The following SCAF11 variants were observed in gnomAD, a reference collection of about 807,000 sequenced individuals.
SCAF11 encodes the protein protein SCAF11.
SCAF11 carries 47 observed loss-of-function variants against 140.5 expected under a neutral mutation model. That is an observed-to-expected ratio of 0.33 (90% CI 0.26 to 0.43). SCAF11 has a LOEUF of 0.43. Ranked by LOEUF, SCAF11 falls within the 20% of genes least tolerant of loss-of-function variation. The pLI is 1.00. For synonymous variants in SCAF11, 557 were observed against 579.4 expected, an observed-to-expected ratio of 0.96 and a Z score of 0.55; for missense variants, 1,645 against 1,705.1, an observed-to-expected ratio of 0.96 and a Z score of 0.62.
At position 45,990,397 on chromosome 12, in the gene SCAF11, T is replaced by G. The variant is rs1187494578; in HGVS notation, c.-66A>C. On this transcript the variant is annotated 5_prime_UTR_variant, in exon 1 of 15. Transcript: ENST00000369367. ...GCTCGGTCCGGCCGCGGCCCCACAG[T>G]AGGTTCCCAGGTCCCAGTCACTCCG... 1 of 1,232,254 alleles carries G rather than the reference T, an allele frequency of 8.1e-7. No individual in the cohort carries two copies. The highest frequency in any genetic ancestry group is 1.6e-5 in the African/African-American group (1 of 64,386). The allele number at this position is 1,232,254 out of a possible 1,614,324, so 76.3% of individuals were successfully genotyped here. A position where few individuals can be genotyped will look rare whatever the true frequency, so the allele number is the denominator to read the frequency against.
At chr12:45,951,400 A>T (rs1410325729) in intron 4 of SCAF11, among the ~76,000 whole-genome samples, 1 of 152,142 alleles carries the variant, frequency 6.6e-6, no homozygotes, top group Non-Finnish European at 1.5e-5. Context: ...ATTATCAGAG[A>T]TCTAATACAT....
chr12:45,948,621 T>G lies in SCAF11; in HGVS notation c.298-84A>C, dbSNP rs11574967. On this transcript the variant is annotated intron_variant, in intron 4 of 14. Transcript: ENST00000369367. ...AATTCTTCCTTGAAATGATTAAAAT[T>G]ACAGAAACAAAACTGTCCAATTAAA... 881 of 827,234 alleles carry G rather than the reference T, an allele frequency of 1.1e-3. 11 individuals carry two copies. The African/African-American group carries it at 0.014, about 13-fold the overall frequency. The allele number at this position is 827,234 out of a possible 1,614,324, so 51.2% of individuals were successfully genotyped here. A position where few individuals can be genotyped will look rare whatever the true frequency, so the allele number is the denominator to read the frequency against.
intron 2 of SCAF11, among the ~76,000 whole-genome samples, 198 bp from the exon 3 acceptor site, chr12:45,962,055 C>T (rs1945846191): frequency 6.6e-6 from 1 of 152,100 alleles, no homozygotes; most frequent in African/African-American, 2.4e-5. Context: ...TAACGGGGGA[C>T]TGAAACAAAC....
In SCAF11 at chr12:45,922,965, C is replaced by T. The variant is rs1367740679; in HGVS notation, c.4096G>A (p.Ala1366Thr). ...TCTGTCTTCGAGCTATCTGCGCTGGCTTCCACTGCAACACTTACTTTGCTT... is the reference window on the plus strand; with the variant it reads ...TCTGTCTTCGAGCTATCTGCGCTGGTTTCCACTGCAACACTTACTTTGCTT... ...AESKVSVAVE[A>T]SADSSKTDKK... The change falls in exon 13 of 15, where the codon GCC becomes ACC. Residue 1366 changes from alanine (A) to threonine (T), a missense_variant. Ala to Thr is a moderately conservative substitution (Grantham distance 58). Coordinates refer to ENST00000369367, the MANE Select transcript of SCAF11 (RefSeq NM_004719.3). The T allele has an allele frequency of 1.2e-6, 2 of 1,614,192 alleles. No individual in the cohort carries two copies. Among genetic ancestry groups the T allele is most frequent in the Admixed American group, 1.7e-5 (1 of 60,026 alleles).
chr12:45,932,493 T>C (rs1341172994), intron 9 of SCAF11, among the ~76,000 whole-genome samples: 1 of 152,138 alleles, frequency 6.6e-6, no homozygotes, highest in African/African-American at 2.4e-5. Context: ...TGTTCTGCCA[T>C]CATTCTTAGA....
At chr12:45,976,690 T>C (rs1005960530) in intron 1 of SCAF11, among the ~76,000 whole-genome samples, 4 of 152,034 alleles carry the variant, frequency 2.6e-5, no homozygotes, top group Non-Finnish European at 4.4e-5. Flanking sequence ...CCCAAACATA[T>C]CCATATTTAA....
chr12:45,948,350 C>T (rs560846698), intron 5 of SCAF11, 87 bp downstream of exon 5: 2 of 807,222 alleles, frequency 2.5e-6, no homozygotes, highest in South Asian at 1.5e-5. Context: ...TACATTTAAA[C>T]CCCACTTCAT....
At chr12:45,956,918 T>G (rs943289636) in intron 3 of SCAF11, among the ~76,000 whole-genome samples, 3 of 152,136 alleles carry the variant, frequency 2.0e-5, no homozygotes, top group Non-Finnish European at 2.9e-5. Flanking sequence ...AAAATCCTCT[T>G]TGCTCTACTA....
intron 1 of SCAF11, among the ~76,000 whole-genome samples, chr12:45,987,423 C>T (rs7973329): frequency 0.84 from 128,274 of 152,256 alleles, 54,268 homozygotes; most frequent in South Asian, 0.93. Flanking sequence ...TTAACTTACA[C>T]TGAAGGCATT....
Position 45,927,473 on chromosome 12 carries a change from T to C in SCAF11, c.2228A>G (p.Gln743Arg), listed in dbSNP as rs771970712. The C allele has an allele frequency of 6.2e-7, 1 of 1,613,500 alleles. No individual in the cohort carries two copies. Among genetic ancestry groups the C allele is most frequent in the South Asian group, 1.1e-5 (1 of 90,902 alleles). The part of the protein sequence containing the change: ...VEPSVNADLK[Q>R]MNENSVTHCS... ...GTGTGTCACAGAATTTTCATTCATT[T>C]GTTTAAGATCAGCATTTACAGATGG... Residue 743 changes from glutamine (Q) to arginine (R), a missense_variant, in exon 11 of 15, where the codon CAA (glutamine) becomes CGA (arginine). Coordinates refer to ENST00000369367, the MANE Select transcript of SCAF11 (RefSeq NM_004719.3).
At chr12:45,990,665 G>A, upstream of SCAF11, 11 of 1,071,346 alleles carry the variant, frequency 1.0e-5, no homozygotes, top group Non-Finnish European at 1.3e-5. Context: ...GGCGCGCTAA[G>A]GTGACGACGG....
chr12:45,964,183 G>GGCT lies in SCAF11; in HGVS notation c.-17_-16insAGC. The GGCT allele has an allele frequency of 7.0e-7, 1 of 1,427,490 alleles. No individual in the cohort carries two copies. Among genetic ancestry groups the GGCT allele is most frequent in the Admixed American group, 1.8e-5 (1 of 55,300 alleles). 88.4% of individuals were successfully genotyped at this position (1,427,490 alleles called of 1,614,324 possible). A position where few individuals can be genotyped will look rare whatever the true frequency, so the allele number is the denominator to read the frequency against. On this transcript the variant is annotated 5_prime_UTR_variant, in exon 2 of 15. Coordinates refer to ENST00000369367, the MANE Select transcript of SCAF11 (RefSeq NM_004719.3). ...TCTTCTTCATTTCTCTTTGGAAAAG[G>GGCT]GTTTCCTATAAGATAAATTATAATA...
intron 9 of SCAF11, among the ~76,000 whole-genome samples, chr12:45,932,291 C>A (rs11183240): frequency 0.021 from 3,186 of 152,178 alleles, 123 homozygotes; most frequent in African/African-American, 0.073. Flanking sequence ...AAACCCAAAC[C>A]ACTTCTTGGC....
chr12:45,986,859 TCTC>T (rs372020007), intron 1 of SCAF11, among the ~76,000 whole-genome samples: 2 of 152,062 alleles, frequency 1.3e-5, no homozygotes, highest in Non-Finnish European at 2.9e-5. Context: ...GAAGTGCCCT[TCTC>T]CTCCCACCAA....
chr12:45,973,827 T>G (rs991973259), intron 1 of SCAF11, among the ~76,000 whole-genome samples: 3 of 152,138 alleles, frequency 2.0e-5, no homozygotes, highest in Admixed American at 6.5e-5. Flanking sequence ...TTTCCAGCTC[T>G]AAAAAAATTC....
At chr12:45,984,740 G>C (rs1455208602) in intron 1 of SCAF11, among the ~76,000 whole-genome samples, 1 of 150,156 alleles carries the variant, frequency 6.7e-6, no homozygotes, top group African/African-American at 2.5e-5. Context: ...TGTCGCCCAG[G>C]CTGGAGTGCA....
intron 6 of SCAF11, among the ~76,000 whole-genome samples, chr12:45,944,512 T>C (rs1945375466): frequency 6.6e-6 from 1 of 152,230 alleles, no homozygotes; most frequent in Admixed American, 6.5e-5. Flanking sequence ...AGCTCACTAA[T>C]TTACTAGTTC....
At chr12:45,986,852 G>A (rs1392193648) in intron 1 of SCAF11, among the ~76,000 whole-genome samples, 1 of 151,958 alleles carries the variant, frequency 6.6e-6, no homozygotes, top group African/African-American at 2.4e-5. Context: ...TATGTAAGAA[G>A]TGCCCTTCTC....
At chr12:45,973,035 G>GATAT (rs1286421169) in intron 1 of SCAF11, among the ~76,000 whole-genome samples, 1 of 145,634 alleles carries the variant, frequency 6.9e-6, no homozygotes, top group African/African-American at 2.5e-5. Context: ...TATAGATATA[G>GATAT]ATATATAGAT....
Sources: allele counts gnomAD v4.1 joint callset (sites outside exome capture counted in the v4.1 genomes callset), GRCh38; gene constraint gnomAD v4.1.1; transcripts MANE v1.5; gene names NCBI Gene and HGNC (gene_info 2026-07-23, HGNC 2026-07-21).